The following INPP4B variants were observed in gnomAD, a reference collection of about 807,000 sequenced individuals.
The protein encoded by INPP4B is inositol polyphosphate 4-phosphatase type II.
A neutral mutation model predicts 122.5 loss-of-function variants in INPP4B; 55 were observed. The observed-to-expected ratio is 0.45, with a 90% CI of 0.36 to 0.56. The LOEUF is 0.56. INPP4B is among the 20% of genes least tolerant of loss of function. The pLI, the probability that INPP4B is intolerant of heterozygous loss-of-function variation, is 0.00. For synonymous variants in INPP4B, 403 were observed against 388.7 expected (o/e 1.04, Z -0.43); for missense variants, 1,000 against 1,097.7 (o/e 0.91, Z 1.26).
intron 7 of INPP4B, among the ~76,000 whole-genome samples, 200 bp from the exon 8 acceptor site, chr4:142,314,962 C>G (rs1451004209): frequency 1.3e-5 from 2 of 152,176 alleles, no homozygotes; most frequent in African/African-American, 4.8e-5. Context: ...CTGGACAGAG[C>G]TGCCTGGAAC....
chr4:142,061,605 G>A (rs1477512822), intron 25 of INPP4B, among the ~76,000 whole-genome samples: 2 of 151,744 alleles, frequency 1.3e-5, no homozygotes, highest in Non-Finnish European at 2.9e-5. Context: ...ACAAATGTTG[G>A]AATTTTAAAA....
intron 2 of INPP4B, among the ~76,000 whole-genome samples, chr4:142,678,868 A>G (rs1310788812): frequency 6.6e-6 from 1 of 151,912 alleles, no homozygotes; most frequent in Non-Finnish European, 1.5e-5. Flanking sequence ...TGTGCAATAA[A>G]GAATTGTATA....
intron 2 of INPP4B, among the ~76,000 whole-genome samples, chr4:142,618,385 A>G (rs540197786): frequency 9.9e-5 from 15 of 152,270 alleles, no homozygotes; most frequent in African/African-American, 3.1e-4. Context: ...TGAAAGACAT[A>G]TGGACCAATG....
At chr4:142,305,676 T>C in intron 8 of INPP4B, 139 bp from the exon 9 acceptor site, 1 of 1,466,870 alleles carries the variant, frequency 6.8e-7, no homozygotes, top group Non-Finnish European at 9.1e-7. Context: ...GTAACAGAGA[T>C]AAAATTATCA....
intron 7 of INPP4B, among the ~76,000 whole-genome samples, chr4:142,379,658 T>G (rs144245308): frequency 3.4e-4 from 52 of 152,332 alleles, no homozygotes; most frequent in African/African-American, 1.2e-3. Flanking sequence ...AAGCTATTCC[T>G]AGCCAAAGCA....
chr4:142,402,702 A>ATC (rs2149157158), intron 7 of INPP4B, among the ~76,000 whole-genome samples: 2 of 152,330 alleles, frequency 1.3e-5, no homozygotes, highest in South Asian at 4.1e-4. Flanking sequence ...AAACCAAAAG[A>ATC]TCAAGTCAGC....
chr4:142,463,884 C>A (rs1817223350), intron 2 of INPP4B, among the ~76,000 whole-genome samples: 3 of 152,128 alleles, frequency 2.0e-5, no homozygotes, highest in East Asian at 1.9e-4. Context: ...GTCAATTAAA[C>A]CTCTTTCCTT....
chr4:142,209,769 G>T, intron 12 of INPP4B, among the ~76,000 whole-genome samples: 1 of 136,962 alleles, frequency 7.3e-6, no homozygotes. Flanking sequence ...CTCCAGCCTG[G>T]GTGACAGAGT....
chr4:142,146,068 T>C, intron 17 of INPP4B, 72 bp from the exon 18 acceptor site: 1 of 1,520,288 alleles, frequency 6.6e-7, no homozygotes, highest in Non-Finnish European at 9.0e-7. Context: ...GATAAATCTA[T>C]TTTAGAGAAG....
chr4:142,682,445 G>A (rs1758762725), intron 2 of INPP4B, among the ~76,000 whole-genome samples: 1 of 151,440 alleles, frequency 6.6e-6, no homozygotes, highest in African/African-American at 2.4e-5. Context: ...GAAAAAGAAG[G>A]GATATTTCTA....
intron 25 of INPP4B, among the ~76,000 whole-genome samples, chr4:142,032,748 AGTG>A (rs1741121915): frequency 6.6e-6 from 1 of 152,164 alleles, no homozygotes. Flanking sequence ...TTATCTGTAA[AGTG>A]GTGATAATAA....
chr4:142,834,561 T>C (rs1377770201), intron 1 of INPP4B, among the ~76,000 whole-genome samples: 2 of 152,192 alleles, frequency 1.3e-5, no homozygotes, highest in Admixed American at 6.6e-5. Flanking sequence ...GGGTACCTTC[T>C]TGAACTAAGA....
At chr4:142,840,396 T>C (rs1045973351) in intron 1 of INPP4B, among the ~76,000 whole-genome samples, 14 of 152,152 alleles carry the variant, frequency 9.2e-5, no homozygotes, top group Admixed American at 9.2e-4. Flanking sequence ...TAATCATAAG[T>C]TTTTTTCTAT....
intron 24 of INPP4B, among the ~76,000 whole-genome samples, chr4:142,084,017 T>C (rs1274558486): frequency 6.6e-6 from 1 of 152,186 alleles, no homozygotes; most frequent in Non-Finnish European, 1.5e-5. Context: ...ATTTCTACAA[T>C]ACCTGAACTA....
At chr4:142,842,823 A>G (rs1485090020) in intron 1 of INPP4B, among the ~76,000 whole-genome samples, 1 of 135,090 alleles carries the variant, frequency 7.4e-6, no homozygotes, top group Non-Finnish European at 1.5e-5. Flanking sequence ...TATGATATAT[A>G]TAAATTTATA....
intron 8 of INPP4B, among the ~76,000 whole-genome samples, chr4:142,311,029 T>C (rs1765319002): frequency 6.6e-6 from 1 of 152,114 alleles, no homozygotes; most frequent in South Asian, 2.1e-4. Context: ...TGAAAGATTA[T>C]AATAAAAAAT....
intron 1 of INPP4B, among the ~76,000 whole-genome samples, chr4:142,779,481 T>C (rs966879272): frequency 1.3e-5 from 2 of 152,164 alleles, no homozygotes; most frequent in Non-Finnish European, 1.5e-5. Context: ...TAGTGATACA[T>C]GTACTATCTT....
At chr4:142,386,967 C>G (rs67013221) in intron 7 of INPP4B, among the ~76,000 whole-genome samples, 31,349 of 151,990 alleles carry the variant, frequency 0.21, 4,386 homozygotes, top group African/African-American at 0.4. Context: ...TGGGTAAGTT[C>G]TCTCTCGGAT....
At chr4:142,199,704 C>T (rs1399587175) in intron 14 of INPP4B, among the ~76,000 whole-genome samples, 1 of 151,944 alleles carries the variant, frequency 6.6e-6, no homozygotes, top group Non-Finnish European at 1.5e-5. Flanking sequence ...TTATCAGTTA[C>T]TTTGTAGAAT....
Sources: allele counts gnomAD v4.1 joint callset (sites outside exome capture counted in the v4.1 genomes callset), GRCh38; gene constraint gnomAD v4.1.1; transcripts MANE v1.5; gene names NCBI Gene and HGNC (gene_info 2026-07-23, HGNC 2026-07-21).